TTC39C: variants seen among roughly 807,000 people sequenced by gnomAD.
TTC39C encodes tetratricopeptide repeat protein 39C.
A neutral mutation model predicts 76.3 loss-of-function variants in TTC39C; 33 were observed. That is an observed-to-expected ratio of 0.43 (90% CI 0.33 to 0.58). TTC39C has a LOEUF of 0.58. Among genes scored for constraint, TTC39C ranks in the 20% least tolerant of loss-of-function variants. The pLI is 0.04. For missense variants in TTC39C, 595 were observed against 701.4 expected (o/e 0.85, Z 1.71); for synonymous variants, 254 against 260.6 (o/e 0.97, Z 0.24).
chr18:24,047,111 T>A (rs1231225616), intron 1 of TTC39C, among the ~76,000 whole-genome samples: 1 of 151,794 alleles, frequency 6.6e-6, no homozygotes, highest in Non-Finnish European at 1.5e-5. Flanking sequence ...TTTCTTTTTT[T>A]GAGATGGAGT....
At chr18:24,097,248 G>A (rs1298808894) in intron 6 of TTC39C, among the ~76,000 whole-genome samples, 2 of 152,172 alleles carry the variant, frequency 1.3e-5, no homozygotes, top group East Asian at 1.9e-4. Flanking sequence ...AATGCCTTGA[G>A]CATCCCAAAA....
chr18:24,018,338 G>C (rs746644083), intron 1 of TTC39C, among the ~76,000 whole-genome samples: 1 of 152,084 alleles, frequency 6.6e-6, no homozygotes, highest in African/African-American at 2.4e-5. Context: ...TCCTGATCTT[G>C]GTCTTAGTGC....
At chr18:24,088,273 G>A (rs2084471015) in intron 6 of TTC39C, among the ~76,000 whole-genome samples, 1 of 152,154 alleles carries the variant, frequency 6.6e-6, no homozygotes, top group South Asian at 2.1e-4. Context: ...AAGTAAAAAA[G>A]TAAATACATT....
chr18:24,058,177 AGAGGGT>A (rs1215361935), intron 1 of TTC39C, among the ~76,000 whole-genome samples: 3 of 152,200 alleles, frequency 2.0e-5, no homozygotes, highest in Non-Finnish European at 4.4e-5. Flanking sequence ...GAGGGTAGGA[AGAGGGT>A]GAGGATCGAA....
At chr18:24,107,076 G>A (rs2084753038) in intron 6 of TTC39C, among the ~76,000 whole-genome samples, 1 of 152,142 alleles carries the variant, frequency 6.6e-6, no homozygotes, top group Non-Finnish European at 1.5e-5. Flanking sequence ...CTCTAGACGT[G>A]GAATCTTTTG....
At chr18:24,099,043 A>G (rs1454912398) in intron 6 of TTC39C, among the ~76,000 whole-genome samples, 26 of 61,620 alleles carry the variant, frequency 4.2e-4, no homozygotes, top group Non-Finnish European at 6.0e-4. Context: ...GTGTATATAT[A>G]TATCTATACA....
chr18:23,992,938 C>T (rs2083231365), exon 1 of TTC39C: 2 of 152,250 alleles, frequency 1.3e-5, no homozygotes, highest in African/African-American at 4.8e-5. Flanking sequence ...CACCTACACA[C>T]ACAGCCTCTT....
chr18:24,085,962 A>G (rs1448232833), intron 6 of TTC39C, among the ~76,000 whole-genome samples: 1 of 152,232 alleles, frequency 6.6e-6, no homozygotes, highest in Non-Finnish European at 1.5e-5. Flanking sequence ...GTAGGACGGT[A>G]TCAGAAATGA....
At position 24,014,803 on chromosome 18, in the gene TTC39C, C is replaced by T. The variant is rs1235527095; in HGVS notation, c.-69C>T. 3.8e-5 allele frequency: 46 copies of T among 1,195,182 alleles called. No individual in the cohort carries two copies. The highest frequency in any genetic ancestry group is 4.6e-5 in the Non-Finnish European group (44 of 959,574). The allele number at this position is 1,195,182 out of a possible 1,614,324, so 74.0% of individuals were successfully genotyped here. On this transcript the variant is annotated 5_prime_UTR_variant, in exon 1 of 14. Coordinates refer to ENST00000317571, the MANE Select transcript of TTC39C (RefSeq NM_001135993.2). ...GCTCCGGGCAGGTAGAGCCGGGCTC[C>T]GGGCGCGCGCGGGGCCGCAGCAGCT...
intron 1 of TTC39C, among the ~76,000 whole-genome samples, chr18:24,004,127 C>A (rs1019459152): frequency 6.6e-6 from 1 of 152,168 alleles, no homozygotes; most frequent in African/African-American, 2.4e-5. Flanking sequence ...ACTCCAGAGG[C>A]AGAAGTGAGG....
intron 2 of TTC39C, among the ~76,000 whole-genome samples, chr18:24,065,809 A>C (rs1167915156): frequency 2.0e-5 from 3 of 152,220 alleles, no homozygotes; most frequent in Non-Finnish European, 2.9e-5. Context: ...TATTTCTTTC[A>C]TGATGATGTG....
At chr18:24,099,713 A>C (rs1281489208) in intron 6 of TTC39C, among the ~76,000 whole-genome samples, 1 of 152,062 alleles carries the variant, frequency 6.6e-6, no homozygotes, top group African/African-American at 2.4e-5. Context: ...AAAGTAATTA[A>C]ACTGCCATTA....
At chr18:24,119,963 T>TCCCC (rs11429659) in intron 8 of TTC39C, among the ~76,000 whole-genome samples, 2 of 146,874 alleles carry the variant, frequency 1.4e-5, no homozygotes, top group Non-Finnish European at 3.0e-5. Flanking sequence ...GAACATTAAT[T>TCCCC]CCCCCCCCCC....
chr18:24,045,311 C>T (rs1242564983), intron 1 of TTC39C, among the ~76,000 whole-genome samples: 2 of 150,974 alleles, frequency 1.3e-5, no homozygotes, highest in Admixed American at 6.6e-5. Context: ...CCCCAGCCCA[C>T]CTGAGTGAGA....
intron 8 of TTC39C, among the ~76,000 whole-genome samples, chr18:24,122,523 A>AAAAAAAAG (rs2084982236): frequency 2.7e-5 from 4 of 149,616 alleles, no homozygotes; most frequent in Non-Finnish European, 5.9e-5. Context: ...AAAAAAAAGA[A>AAAAAAAAG]GAGGGAACTA....
At chr18:24,027,196 G>A (rs1212799548) in intron 1 of TTC39C, among the ~76,000 whole-genome samples, 3 of 152,040 alleles carry the variant, frequency 2.0e-5, no homozygotes, top group Non-Finnish European at 2.9e-5. Flanking sequence ...GGAAGCTGAG[G>A]CAGGAGAATC....
chr18:24,079,767 G>A (rs1275697257), intron 4 of TTC39C, among the ~76,000 whole-genome samples: 1 of 149,994 alleles, frequency 6.7e-6, no homozygotes, highest in Non-Finnish European at 1.5e-5. Context: ...TTTTTGGCAA[G>A]ACGCAATGCT....
intron 1 of TTC39C, among the ~76,000 whole-genome samples, chr18:24,025,786 C>T (rs897086384): frequency 1.3e-5 from 2 of 152,156 alleles, no homozygotes; most frequent in African/African-American, 2.4e-5. Context: ...GGCTGAATCC[C>T]CTAGCCTGCT....
intron 4 of TTC39C, among the ~76,000 whole-genome samples, chr18:24,077,571 C>A (rs2084322844): frequency 6.6e-6 from 1 of 152,062 alleles, no homozygotes; most frequent in East Asian, 1.9e-4. Context: ...TTATTGTGGG[C>A]ATTAGGCGGG....
Sources: allele counts gnomAD v4.1 joint callset (sites outside exome capture counted in the v4.1 genomes callset), GRCh38; gene constraint gnomAD v4.1.1; transcripts MANE v1.5; gene names NCBI Gene and HGNC (gene_info 2026-07-23, HGNC 2026-07-21).